RASA1: variants seen among roughly 807,000 people sequenced by gnomAD.
The protein encoded by RASA1 is RAS p21 protein activator 1.
A neutral mutation model predicts 132.2 loss-of-function variants in RASA1; 25 were observed. The observed-to-expected ratio is 0.19, with a 90% CI of 0.14 to 0.26. The LOEUF (loss-of-function observed/expected upper bound fraction) is 0.26, where lower values mean the gene tolerates loss of function less well. Ranked by LOEUF, RASA1 falls within the 10% of genes least tolerant of loss-of-function variation. RASA1 has a pLI of 1.00. For missense variants in RASA1, 964 were observed against 1,299.2 expected (o/e 0.74, Z 3.97); for synonymous variants, 477 against 449.9 (o/e 1.06, Z -0.76).
At chr5:87,276,142 G>T (rs996053420) in intron 1 of RASA1, among the ~76,000 whole-genome samples, 4 of 152,072 alleles carry the variant, frequency 2.6e-5, no homozygotes, top group African/African-American at 9.7e-5. Context: ...AATACTAGTA[G>T]TGAGGGACAG....
chr5:87,270,321 C>T (rs922667561), intron 1 of RASA1, among the ~76,000 whole-genome samples: 1 of 149,468 alleles, frequency 6.7e-6, no homozygotes, highest in Non-Finnish European at 1.5e-5. Flanking sequence ...GACAGTCACT[C>T]TGGACAATTC....
At chr5:87,338,501 TTATATATA>T (rs3069490) in intron 5 of RASA1, among the ~76,000 whole-genome samples, 7 of 75,670 alleles carry the variant, frequency 9.3e-5, no homozygotes, top group Admixed American at 1.6e-4. Flanking sequence ...CCAGCTAATT[TTATATATA>T]TATATATATA....
intron 5 of RASA1, among the ~76,000 whole-genome samples, chr5:87,340,182 C>T (rs193035599): frequency 1.2e-3 from 179 of 152,182 alleles, no homozygotes; most frequent in African/African-American, 4.2e-3. Context: ...TGATAGATTG[C>T]CTTGTAAAAT....
At chr5:87,318,866 T>C (rs1756552838) in intron 1 of RASA1, 1 of 152,258 alleles carries the variant, frequency 6.6e-6, no homozygotes, top group African/African-American at 2.4e-5. Context: ...AAGTCTTATC[T>C]GAGACAAGGC....
At chr5:87,292,984 TGTTA>T (rs1465122524) in intron 1 of RASA1, among the ~76,000 whole-genome samples, 1 of 152,180 alleles carries the variant, frequency 6.6e-6, no homozygotes, top group East Asian at 1.9e-4. Flanking sequence ...CAACCTTGCT[TGTTA>T]GTTCCATGAG....
Position 87,374,253 on chromosome 5 carries a change from G to T in RASA1, c.1867G>T (p.Val623Phe). Residue 623 changes from valine (V) to phenylalanine (F), a missense_variant, in exon 14 of 25, where the codon GTC (valine) becomes TTC (phenylalanine). By Grantham distance (50) the Val-to-Phe change is conservative. Around this residue, in one of 6 missense-constraint regions of RASA1, gnomAD observed 346 missense variants for 520.1 expected, o/e 0.67. Coordinates refer to ENST00000274376, the MANE Select transcript of RASA1 (RefSeq NM_002890.3). ...NPYCNIYLNSVQVAKTHAREG... is the reference protein window; with the variant it reads ...NPYCNIYLNSFQVAKTHAREG... ...ATATTGTAACATCTACCTGAATAGT[G>T]TCCAAGTAGCAAAAACTCATGCAAG... The T allele has an allele frequency of 6.2e-7, 1 of 1,600,284 alleles. No homozygotes were observed. Among genetic ancestry groups the T allele is most frequent in the Non-Finnish European group, 8.5e-7 (1 of 1,172,128 alleles).
chr5:87,376,234 A>G (rs1046560133), intron 15 of RASA1, 159 bp from the exon 16 acceptor site: 1 of 814,082 alleles, frequency 1.2e-6, no homozygotes, highest in African/African-American at 1.7e-5. Flanking sequence ...GACACTCAGT[A>G]AATAAACAAC....
intron 1 of RASA1, among the ~76,000 whole-genome samples, chr5:87,274,500 GA>G (rs1753984541): frequency 6.6e-6 from 1 of 152,074 alleles, no homozygotes; most frequent in East Asian, 1.9e-4. Flanking sequence ...TTGATGACCA[GA>G]ACTCATATTT....
In RASA1 at chr5:87,268,037, G is replaced by T. The variant is rs1753642721; in HGVS notation, c.-415G>T. The T allele has an allele frequency of 9.8e-6, 4 of 407,468 alleles. No individual in the cohort carries two copies. Among genetic ancestry groups the T allele is most frequent in the Non-Finnish European group, 1.3e-5 (3 of 231,850 alleles). 25.2% of individuals were successfully genotyped at this position (407,468 alleles called of 1,614,324 possible). The stretch of plus-strand genomic sequence containing the variant: ...AGCAGCGGCACCGGCGGTGGCTGCG[G>T]TGTGGGTGGCCGGAACTGGGGTGGT... On this transcript the variant is annotated 5_prime_UTR_variant, in exon 1 of 25. Transcript: ENST00000274376.
In RASA1 at chr5:87,332,491, T is replaced by C; in HGVS notation, c.693-16T>C. The C allele has an allele frequency of 6.2e-7, 1 of 1,600,166 alleles. No homozygotes were observed. Among genetic ancestry groups the C allele is most frequent in the Non-Finnish European group, 8.6e-7 (1 of 1,169,090 alleles). On this transcript the variant is annotated splice_polypyrimidine_tract_variant and intron_variant, in intron 2 of 24. Transcript: ENST00000274376. The stretch of plus-strand genomic sequence containing the variant: ...GTAAAGATTTTTTTATACTGTATTT[T>C]TTCCTGTTCAAATAGGATTATTGCT...
At chr5:87,387,779 C>T (rs1032617257) in intron 23 of RASA1, among the ~76,000 whole-genome samples, 10 of 152,116 alleles carry the variant, frequency 6.6e-5, no homozygotes, top group Non-Finnish European at 1.5e-4. Context: ...GGCATAGCTC[C>T]ATATTTATAG....
intron 5 of RASA1, among the ~76,000 whole-genome samples, chr5:87,338,535 A>T (rs796528911): frequency 0.32 from 29,475 of 92,786 alleles, 5,237 homozygotes; most frequent in Middle Eastern, 0.39. Flanking sequence ...ATATATATAA[A>T]ATTTTTTTTT....
chr5:87,316,819 G>A (rs536532341), intron 1 of RASA1, among the ~76,000 whole-genome samples: 3 of 152,160 alleles, frequency 2.0e-5, no homozygotes, highest in South Asian at 2.1e-4. Flanking sequence ...AAATTAAAGC[G>A]GCTCTAAAGT....
chr5:87,293,329 A>G (rs914058412), intron 1 of RASA1, among the ~76,000 whole-genome samples: 2 of 151,690 alleles, frequency 1.3e-5, no homozygotes, highest in Non-Finnish European at 2.9e-5. Context: ...TGGGTATTGG[A>G]TACCGTCAAA....
At chr5:87,334,348 C>G (rs1580287339) in intron 4 of RASA1, among the ~76,000 whole-genome samples, 1 of 152,020 alleles carries the variant, frequency 6.6e-6, no homozygotes, top group East Asian at 1.9e-4. Context: ...ATTTTTTGTT[C>G]TGTTCAGACC....
intron 1 of RASA1, among the ~76,000 whole-genome samples, chr5:87,317,634 CT>C (rs112587674): frequency 0.033 from 4,696 of 143,726 alleles, 120 homozygotes; most frequent in African/African-American, 0.074. Context: ...TTCTCATGCT[CT>C]TTTTTTTTTT....
intron 17 of RASA1, among the ~76,000 whole-genome samples, chr5:87,377,834 G>A (rs1342443162): frequency 6.6e-6 from 1 of 152,006 alleles, no homozygotes; most frequent in Non-Finnish European, 1.5e-5. Context: ...GTAAAGTTTA[G>A]AACTATTTTC....
rs375135791 is a variant in RASA1, at chr5:87,383,761, G to T, written c.2739G>T (p.Arg913=). 6 of 1,610,966 alleles carry T rather than the reference G, an allele frequency of 3.7e-6. No individual in the cohort carries two copies. The African/African-American group carries it at 8.0e-5, about 22-fold the overall frequency. The change falls in exon 21 of 25, where the codon CGG becomes CGT. Residue 913 remains arginine (R), a synonymous_variant. Transcript: ENST00000274376. The part of the protein sequence containing the change: ...RLICPAILNP[R]MFNIISDSPS... ...TCTGTCCTGCCATCCTGAATCCACG[G>T]ATGTTCAATATCATCTCAGGTAATC...
chr5:87,326,799 T>G (rs1342372013), intron 1 of RASA1, among the ~76,000 whole-genome samples: 1 of 151,950 alleles, frequency 6.6e-6, no homozygotes, highest in Non-Finnish European at 1.5e-5. Flanking sequence ...CAGCCCCAAT[T>G]AATTTGAATG....
Sources: allele counts gnomAD v4.1 joint callset (sites outside exome capture counted in the v4.1 genomes callset), GRCh38; gene constraint gnomAD v4.1.1; regional missense constraint gnomAD v4.1.1; transcripts MANE v1.5; gene names NCBI Gene and HGNC (gene_info 2026-07-23, HGNC 2026-07-21).